The following ALKBH3 variants were observed in gnomAD, a reference collection of about 807,000 sequenced individuals.
ALKBH3 encodes the protein alkB homolog 3, alpha-ketoglutarate dependent dioxygenase, also known as alpha-ketoglutarate-dependent dioxygenase alkB homolog 3.
ALKBH3 carries 51 observed loss-of-function variants against 43.9 expected under a neutral mutation model. The ratio of observed to expected loss-of-function variants is 1.16; its 90% CI spans 0.93 to 1.47. ALKBH3 has a LOEUF of 1.47. ALKBH3 is among the 40% of genes most tolerant of loss of function. The pLI is 0.00. For missense variants in ALKBH3, 361 were observed against 351.9 expected (o/e 1.03, Z -0.21); for synonymous variants, 102 against 115.2 (o/e 0.89, Z 0.73).
At chr11:43,897,899 T>TA (rs1951830701) in intron 7 of ALKBH3, 4 of 782,064 alleles carry the variant, frequency 5.1e-6, no homozygotes, top group Admixed American at 3.4e-5. Flanking sequence ...CCAGCAATAT[T>TA]AAAAAAAGGA....
Position 43,882,580 on chromosome 11 carries a change from CAG to C in ALKBH3, c.-70-1_-70del, listed in dbSNP as rs913830266. The C allele has an allele frequency of 6.9e-5, 95 of 1,381,718 alleles. No individual in the cohort carries two copies. In the African/African-American group the frequency reaches 1.2e-3, roughly 17 times the overall value. The allele number at this position is 1,381,718 out of a possible 1,614,324, so 85.6% of individuals were successfully genotyped here. A position where few individuals can be genotyped will look rare whatever the true frequency, so the allele number is the denominator to read the frequency against. On this transcript the variant is annotated splice_acceptor_variant, in intron 1 of 9. Coordinates refer to ENST00000302708, the MANE Select transcript of ALKBH3 (RefSeq NM_139178.4). LOFTEE classifies it low-confidence loss of function (5UTR_SPLICE). ...CACTGTTTTGTTTTGTTTTAATAAACAGATACCATGGAGTAGTTTGAAACAGG... is the reference window on the plus strand; with the variant it reads ...CACTGTTTTGTTTTGTTTTAATAAACATACCATGGAGTAGTTTGAAACAGG...
intron 8 of ALKBH3, among the ~76,000 whole-genome samples, chr11:43,915,927 AT>A (rs1951980397): frequency 6.6e-6 from 1 of 152,252 alleles, no homozygotes; most frequent in Admixed American, 6.5e-5. Flanking sequence ...GGAAGACCAC[AT>A]AAACTTTCCC....
At chr11:43,884,534 C>T (rs1364535168) in intron 4 of ALKBH3, among the ~76,000 whole-genome samples, 1 of 152,000 alleles carries the variant, frequency 6.6e-6, no homozygotes, top group Non-Finnish European at 1.5e-5. Context: ...TGTTCTTGTC[C>T]AAAGTTGGTG....
intron 7 of ALKBH3, chr11:43,899,513 C>A: frequency 1.4e-6 from 1 of 694,984 alleles, no homozygotes; most frequent in Non-Finnish European, 2.7e-6. Context: ...GTTGAGTGCA[C>A]CACCACCTTC....
chr11:43,883,251 A>C, intron 3 of ALKBH3, 63 bp downstream of exon 3: 1 of 1,145,144 alleles, frequency 8.7e-7, no homozygotes, highest in Non-Finnish European at 1.3e-6. Context: ...ATATTCACAC[A>C]GTAGACACTC....
intron 8 of ALKBH3, among the ~76,000 whole-genome samples, chr11:43,913,850 G>C (rs745407500): frequency 1.3e-5 from 2 of 152,252 alleles, no homozygotes; most frequent in Non-Finnish European, 2.9e-5. Flanking sequence ...AAATTGCCCA[G>C]TGTTTTTAAA....
intron 5 of ALKBH3, 40 bp downstream of exon 5, chr11:43,886,693 G>A: frequency 6.3e-7 from 1 of 1,588,686 alleles, no homozygotes; most frequent in Non-Finnish European, 8.6e-7. Context: ...AATTATCACT[G>A]AGTTATAGTC....
chr11:43,905,902 G>A (rs1419992133), intron 8 of ALKBH3, among the ~76,000 whole-genome samples: 1 of 152,210 alleles, frequency 6.6e-6, no homozygotes, highest in Non-Finnish European at 1.5e-5. Flanking sequence ...CCATTTGGCA[G>A]GCTGCTATTT....
At chr11:43,893,179 CAAGATT>C (rs1951795974) in intron 7 of ALKBH3, among the ~76,000 whole-genome samples, 8 of 152,188 alleles carry the variant, frequency 5.3e-5, no homozygotes, top group African/African-American at 1.7e-4. Context: ...TCTTTTAAAA[CAAGATT>C]TCTCAACCTC....
In ALKBH3 at chr11:43,892,086, T is replaced by G; in HGVS notation, c.416T>G (p.Leu139Arg). The G allele has an allele frequency of 6.2e-7, 1 of 1,613,742 alleles. No individual in the cohort carries two copies. The highest frequency in any genetic ancestry group is 8.5e-7 in the Non-Finnish European group (1 of 1,179,632). ...AGACTTACAGCATGGTATGGAGAAC[T>G]TCCTTACACTTATTCAAGAATCACT... ...QPRLTAWYGE[L>R]PYTYSRITME... The change falls in exon 7 of 10, where the codon CTT becomes CGT. Residue 139 changes from leucine to arginine, a missense_variant. Coordinates refer to ENST00000302708, the MANE Select transcript of ALKBH3 (RefSeq NM_139178.4).
At chr11:43,902,661 A>T (rs1488323388) in intron 8 of ALKBH3, among the ~76,000 whole-genome samples, 1 of 152,168 alleles carries the variant, frequency 6.6e-6, no homozygotes, top group African/African-American at 2.4e-5. Context: ...AAGTGGCACG[A>T]TCTCGGCTCA....
At chr11:43,891,879 C>G (rs566595192) in intron 6 of ALKBH3, among the ~76,000 whole-genome samples, 162 bp from the exon 7 acceptor site, 44 of 152,210 alleles carry the variant, frequency 2.9e-4, no homozygotes, top group Admixed American at 4.6e-4. Flanking sequence ...ATTCTACTTG[C>G]AAAGTCCCAT....
At chr11:43,907,198 G>A (rs1167411847) in intron 8 of ALKBH3, among the ~76,000 whole-genome samples, 2 of 151,126 alleles carry the variant, frequency 1.3e-5, no homozygotes, top group Non-Finnish European at 2.9e-5. Context: ...GTGAGGGTGA[G>A]TAGAGAGAGA....
intron 4 of ALKBH3, among the ~76,000 whole-genome samples, chr11:43,886,217 C>G (rs1286497264): frequency 6.6e-6 from 1 of 152,142 alleles, no homozygotes; most frequent in East Asian, 1.9e-4. Context: ...CAACAGAAGC[C>G]CAGAGCCCTG....
Position 43,891,970 on chromosome 11 carries a change from A to G in ALKBH3, c.371-71A>G, listed in dbSNP as rs372149416. 2.3e-3 allele frequency: 2,783 copies of G among 1,206,438 alleles called. 75 individuals carry two copies. The South Asian group carries it at 0.034, about 15-fold the overall frequency. 74.7% of individuals were successfully genotyped at this position (1,206,438 alleles called of 1,614,324 possible). On this transcript the variant is annotated intron_variant, in intron 6 of 9. Transcript: ENST00000302708. ...TTTCTCATAGCACATTGCAAGGCACAAAGTTGGCACTCAGTAGTAACACCT... is the reference window on the plus strand; with the variant it reads ...TTTCTCATAGCACATTGCAAGGCACGAAGTTGGCACTCAGTAGTAACACCT...
chr11:43,891,101 T>C (rs907886566), intron 6 of ALKBH3, among the ~76,000 whole-genome samples: 7 of 152,228 alleles, frequency 4.6e-5, no homozygotes, highest in South Asian at 2.1e-4. Context: ...CCCACAGATA[T>C]GAAAGACCAA....
intron 7 of ALKBH3, chr11:43,898,307 A>T: frequency 2.8e-6 from 2 of 725,722 alleles, no homozygotes; most frequent in Non-Finnish European, 2.5e-6. Context: ...AATATTGACA[A>T]AGCCAGAGAG....
intron 4 of ALKBH3, 96 bp downstream of exon 4, chr11:43,884,113 C>T: frequency 7.0e-7 from 1 of 1,423,966 alleles, no homozygotes; most frequent in Non-Finnish European, 9.9e-7. Context: ...AAGAGAATGG[C>T]CCAATAAGTG....
At chr11:43,902,482 AATT>A (rs1951870055) in intron 8 of ALKBH3, among the ~76,000 whole-genome samples, 1 of 152,226 alleles carries the variant, frequency 6.6e-6, no homozygotes, top group Non-Finnish European at 1.5e-5. Context: ...GAAAAGAGCC[AATT>A]ATTTTATTTT....
Sources: gnomAD v4.1 joint callset for allele counts (sites outside exome capture counted in the v4.1 genomes callset) on GRCh38, gnomAD v4.1.1 for gene constraint, MANE v1.5 for transcripts, NCBI Gene and HGNC (gene_info 2026-07-23, HGNC 2026-07-21) for gene names.